HDHD2: variants seen among roughly 807,000 people sequenced by gnomAD.
HDHD2 encodes haloacid dehalogenase like hydrolase domain containing 2.
HDHD2 carries 26 observed loss-of-function variants against 24.8 expected under a neutral mutation model. The ratio of observed to expected loss-of-function variants is 1.05; its 90% CI spans 0.77 to 1.45. The LOEUF (loss-of-function observed/expected upper bound fraction) is 1.45, where lower values mean the gene tolerates loss of function less well. Among genes scored for constraint, HDHD2 ranks in the 40% most tolerant of loss-of-function variants. HDHD2 has a pLI of 0.00. For missense variants in HDHD2, 299 were observed against 313.4 expected (o/e 0.95, Z 0.35); for synonymous variants, 128 against 114.9 (o/e 1.11, Z -0.73).
At chr18:47,113,959 A>T (rs2571014) in intron 5 of HDHD2, among the ~76,000 whole-genome samples, 1 of 151,900 alleles carries the variant, frequency 6.6e-6, no homozygotes, top group African/African-American at 2.4e-5. Context: ...GCAGGGAACC[A>T]CCACTTTCCT....
Position 47,115,206 on chromosome 18 carries a change from G to A in HDHD2, c.538C>T (p.Pro180Ser), listed in dbSNP as rs1360128108. ...GCTTCCAAAAAGAACGTCTTCTCTG[G>A]TTTCCCCACGACTGTGGCTTTGGTA... ...TDTKATVVGK[P>S]EKTFFLEALR... The change falls in exon 5 of 7, where the codon CCA becomes TCA. Residue 180 changes from proline to serine, a missense_variant. Physicochemically the swap from Pro to Ser is moderately conservative, Grantham distance 74. Coordinates refer to ENST00000300605, the MANE Select transcript of HDHD2 (RefSeq NM_032124.5). 1.2e-6 allele frequency: 2 copies of A among 1,613,962 alleles called. No individual in the cohort carries two copies. The highest frequency in any genetic ancestry group is 2.2e-5 in the East Asian group (1 of 44,856).
chr18:47,131,080 A>G (rs2063709335), intron 3 of HDHD2, among the ~76,000 whole-genome samples: 1 of 152,118 alleles, frequency 6.6e-6, no homozygotes, highest in Admixed American at 6.5e-5. Flanking sequence ...AGGTTCAAGC[A>G]ATTCTCCTGC....
intron 5 of HDHD2, 64 bp from the exon 6 acceptor site, chr18:47,113,104 C>G: frequency 7.4e-7 from 1 of 1,349,888 alleles, no homozygotes. Context: ...CAAACATTAC[C>G]AACTGATTTA....
chr18:47,112,879 G>T, intron 6 of HDHD2, 98 bp downstream of exon 6: 1 of 966,200 alleles, frequency 1.0e-6, no homozygotes, highest in Non-Finnish European at 1.6e-6. Flanking sequence ...GAGAATAAAA[G>T]TGCCCAGGGC....
intron 4 of HDHD2, among the ~76,000 whole-genome samples, chr18:47,122,819 T>A (rs72905478): frequency 0.026 from 4,002 of 152,046 alleles, 61 homozygotes; most frequent in Non-Finnish European, 0.041. Flanking sequence ...AAGTGAAAGA[T>A]GAAATGAAAA....
chr18:47,110,847 T>C, intron 6 of HDHD2: 2 of 985,220 alleles, frequency 2.0e-6, no homozygotes, highest in Non-Finnish European at 2.4e-6. Flanking sequence ...AAACAAATTC[T>C]GGTTAGGACT....
Position 47,136,300 on chromosome 18 carries a change from A to G in HDHD2, c.101+39T>C, listed in dbSNP as rs776613482. 3.7e-6 allele frequency: 6 copies of G among 1,611,250 alleles called. No individual in the cohort carries two copies. In the African/African-American group the frequency reaches 6.7e-5, roughly 18 times the overall value. On this transcript the variant is annotated intron_variant, in intron 2 of 6. Coordinates refer to ENST00000300605, the MANE Select transcript of HDHD2 (RefSeq NM_032124.5). ...GATCTGCCGTGGTAAAATGGCACTTACAAACATATTTGTCAGCTGAACCTG... is the reference window on the plus strand; with the variant it reads ...GATCTGCCGTGGTAAAATGGCACTTGCAAACATATTTGTCAGCTGAACCTG...
intron 4 of HDHD2, among the ~76,000 whole-genome samples, chr18:47,124,023 T>C (rs969572433): frequency 6.6e-6 from 1 of 152,220 alleles, no homozygotes; most frequent in African/African-American, 2.4e-5. Flanking sequence ...AAGAATCTAG[T>C]CACTTGATTT....
chr18:47,118,725 G>A (rs72905469), intron 4 of HDHD2, among the ~76,000 whole-genome samples: 4,007 of 152,174 alleles, frequency 0.026, 61 homozygotes, highest in Non-Finnish European at 0.041. Context: ...CTTGTACCCC[G>A]GAATTTAAAA....
At chr18:47,116,915 G>A (rs953318923) in intron 4 of HDHD2, among the ~76,000 whole-genome samples, 10 of 152,204 alleles carry the variant, frequency 6.6e-5, no homozygotes, top group African/African-American at 2.2e-4. Context: ...ATTGATGTGT[G>A]TACTTAATTC....
rs1205132028 is a variant in HDHD2 at position 47,107,702 on chromosome 18, T to C, written c.*980A>G. 6.6e-6 allele frequency: 1 copy of C among 152,568 alleles called. No individual in the cohort carries two copies. The highest frequency in any genetic ancestry group is 1.5e-5 in the Non-Finnish European group (1 of 68,042). The allele number at this position is 152,568 out of a possible 1,614,324, so 9.5% of individuals were successfully genotyped here. A position where few individuals can be genotyped will look rare whatever the true frequency, so the allele number is the denominator to read the frequency against. ...AATAATCCATGCTACAAGACGAGATTTCATTTTACAGCTGTAGTAACCAAG... is the reference window on the plus strand; with the variant it reads ...AATAATCCATGCTACAAGACGAGATCTCATTTTACAGCTGTAGTAACCAAG... On this transcript the variant is annotated 3_prime_UTR_variant, in exon 7 of 7. Coordinates refer to ENST00000300605, the MANE Select transcript of HDHD2 (RefSeq NM_032124.5).
chr18:47,123,457 G>C (rs188518986), intron 4 of HDHD2, among the ~76,000 whole-genome samples: 1 of 152,016 alleles, frequency 6.6e-6, no homozygotes, highest in Non-Finnish European at 1.5e-5. Flanking sequence ...GCATGGTGGC[G>C]CATGCTTGTA....
chr18:47,129,102 T>C (rs540612942), intron 4 of HDHD2, among the ~76,000 whole-genome samples: 1 of 152,316 alleles, frequency 6.6e-6, no homozygotes, highest in African/African-American at 2.4e-5. Context: ...TTGAACTATA[T>C]ACTTGACATA....
intron 4 of HDHD2, among the ~76,000 whole-genome samples, chr18:47,124,728 A>AAAAC (rs150762794): frequency 2.0e-5 from 3 of 149,162 alleles, no homozygotes; most frequent in African/African-American, 7.6e-5. Context: ...AAAAAAAAAA[A>AAAAC]CAACTTTGAC....
chr18:47,126,286 G>C (rs1568050514), intron 4 of HDHD2, among the ~76,000 whole-genome samples: 1 of 152,114 alleles, frequency 6.6e-6, no homozygotes, highest in Non-Finnish European at 1.5e-5. Flanking sequence ...AAATATTCAG[G>C]AGTTAGCGTA....
rs2063489427 is a variant in HDHD2, at chr18:47,108,320, TCA to T, written c.*360_*361del. 5.5e-6 allele frequency: 1 copy of T among 180,652 alleles called. No individual in the cohort carries two copies. The highest frequency in any genetic ancestry group is 1.4e-4 in the East Asian group (1 of 6,958). 11.2% of individuals were successfully genotyped at this position (180,652 alleles called of 1,614,324 possible). A position where few individuals can be genotyped will look rare whatever the true frequency, so the allele number is the denominator to read the frequency against. On this transcript the variant is annotated 3_prime_UTR_variant, in exon 7 of 7. Transcript: ENST00000300605. The stretch of plus-strand genomic sequence containing the variant: ...TTTAAAAACCACCATTCAACTTTCT[TCA>T]CAGTCTGAAATCCCCCCTCCCTGTT...
chr18:47,118,403 T>C (rs2063574637), intron 4 of HDHD2, among the ~76,000 whole-genome samples: 1 of 152,176 alleles, frequency 6.6e-6, no homozygotes, highest in Non-Finnish European at 1.5e-5. Flanking sequence ...ACATACACCA[T>C]GGAATACTAT....
intron 4 of HDHD2, among the ~76,000 whole-genome samples, chr18:47,119,388 CTGT>C (rs1195534510): frequency 1.3e-5 from 2 of 152,256 alleles, no homozygotes; most frequent in South Asian, 2.1e-4. Flanking sequence ...TATAAATCTT[CTGT>C]TGTTATTTCA....
chr18:47,111,274 A>G, intron 6 of HDHD2: 1 of 985,190 alleles, frequency 1.0e-6, no homozygotes, highest in Non-Finnish European at 1.2e-6. Flanking sequence ...TAGACGACAG[A>G]GCCAGTGGAG....
Sources: gnomAD v4.1 joint callset for allele counts (sites outside exome capture counted in the v4.1 genomes callset) on GRCh38, gnomAD v4.1.1 for gene constraint, MANE v1.5 for transcripts, NCBI Gene and HGNC (gene_info 2026-07-23, HGNC 2026-07-21) for gene names.